The following CREBBP variants were observed in gnomAD, a reference collection of about 807,000 sequenced individuals.
The protein encoded by CREBBP is CREB binding lysine acetyltransferase.
In CREBBP, 19 loss-of-function variants were observed where a neutral mutation model predicts 265.0. The observed-to-expected ratio is 0.07, with a 90% CI of 0.05 to 0.11. The LOEUF is 0.11. CREBBP is among the 10% of genes least tolerant of loss of function. The pLI, the probability that CREBBP is intolerant of heterozygous loss-of-function variation, is 1.00. For missense variants in CREBBP, 2,525 were observed against 3,219.0 expected, an observed-to-expected ratio of 0.78 and a Z score of 5.22; for synonymous variants, 1,457 against 1,223.7, an observed-to-expected ratio of 1.19 and a Z score of -3.98.
intron 2 of CREBBP, among the ~76,000 whole-genome samples, chr16:3,844,646 C>A (rs1044849998): frequency 1.3e-5 from 2 of 151,986 alleles, no homozygotes; most frequent in Non-Finnish European, 2.9e-5. Flanking sequence ...AAAATATTGG[C>A]AAGGAGAAAA....
At chr16:3,847,839 C>G (rs1444670442) in intron 2 of CREBBP, among the ~76,000 whole-genome samples, 1 of 152,168 alleles carries the variant, frequency 6.6e-6, no homozygotes, top group Non-Finnish European at 1.5e-5. Context: ...GGCATATCAA[C>G]TAACTGAAAT....
intron 20 of CREBBP, among the ~76,000 whole-genome samples, chr16:3,749,960 G>T (rs1202081759): frequency 6.6e-6 from 1 of 152,126 alleles, no homozygotes; most frequent in Non-Finnish European, 1.5e-5. Flanking sequence ...GAGTGCAGTG[G>T]CGTGACCATG....
chr16:3,761,887 G>C (rs2052727987), intron 16 of CREBBP, among the ~76,000 whole-genome samples: 1 of 152,198 alleles, frequency 6.6e-6, no homozygotes, highest in African/African-American at 2.4e-5. Context: ...ATAGCCTTTT[G>C]ATTTCTCTGA....
In CREBBP at chr16:3,731,184, G is replaced by A. The variant is rs1057376935; in HGVS notation, c.5172+8C>T. On this transcript the variant is annotated splice_region_variant and intron_variant, in intron 30 of 30. Transcript: ENST00000262367. This position sits in a 1 kb window ranked among gnomAD's most constrained non-coding sequence, Gnocchi z 7.7. ...GGCTGTGGGGGTGGGGGTGGGGGCAGGGCCTACCTCGCACACAGTGCAGTG... is the reference window on the plus strand; with the variant it reads ...GGCTGTGGGGGTGGGGGTGGGGGCAAGGCCTACCTCGCACACAGTGCAGTG... The A allele has an allele frequency of 4.4e-6, 7 of 1,607,884 alleles. No individual in the cohort carries two copies. In the South Asian group the frequency reaches 7.7e-5, roughly 18 times the overall value.
chr16:3,745,817 C>A (rs1455790902), intron 21 of CREBBP, among the ~76,000 whole-genome samples: 1 of 152,210 alleles, frequency 6.6e-6, no homozygotes, highest in Non-Finnish European at 1.5e-5. Flanking sequence ...GGAAACACGG[C>A]CAGTTCAGAG....
Position 3,766,550 on chromosome 16 carries a change from A to C in CREBBP, c.3250+1170T>G, listed in dbSNP as rs961590344. On this transcript the variant is annotated intron_variant, in intron 16 of 30. Coordinates refer to ENST00000262367, the MANE Select transcript of CREBBP (RefSeq NM_004380.3). Reference sequence around the variant, plus strand: ...TTTCTCTTTTTTTTTTTCAGACAACAATCTCACTTTTGTCTCCCAGGCTAG... The same window carrying C: ...TTTCTCTTTTTTTTTTTCAGACAACCATCTCACTTTTGTCTCCCAGGCTAG... Among the ~76,000 whole-genome samples the C allele has an allele frequency of 5.9e-5, 9 of 151,668 alleles. No individual in the cohort carries two copies. The East Asian group carries it at 1.7e-3, about 29-fold the overall frequency.
intron 2 of CREBBP, 135 bp from the exon 3 acceptor site, chr16:3,810,914 T>C (rs991786991): frequency 2.4e-5 from 21 of 875,262 alleles, no homozygotes; most frequent in Non-Finnish European, 3.4e-5. Context: ...CAGGTTCACA[T>C]GCTCCAAGCA....
rs1198733770 is a variant in CREBBP, at chr16:3,850,670, C to G, written c.425G>C (p.Gly142Ala). Residue 142 changes from glycine to alanine, a missense_variant, in exon 2 of 31, where the codon GGG becomes GCG. Physicochemically the swap from Gly to Ala is moderately conservative, Grantham distance 60. Around this residue, in one of 19 missense-constraint regions of CREBBP, gnomAD observed 356 missense variants for 340.4 expected, o/e 1.05. Transcript: ENST00000262367. Reference sequence around the variant, plus strand: ...TGCTTGGGAGGCAGCGGGGGTGGGCCCAGAGGTGCTGGCTGCCTGTTTAGG... The same window carrying G: ...TGCTTGGGAGGCAGCGGGGGTGGGCGCAGAGGTGCTGGCTGCCTGTTTAGG... ...SLPKQAASTS[G>A]PTPAASQALN... 1 of 1,614,178 alleles carries G rather than the reference C, an allele frequency of 6.2e-7. No homozygotes were observed.
intron 2 of CREBBP, among the ~76,000 whole-genome samples, chr16:3,849,437 GTGTGTGTGT>G (rs1567360384): frequency 0.038 from 624 of 16,434 alleles, 74 homozygotes; most frequent in Non-Finnish European, 0.087. Flanking sequence ...GTGTGTGTGT[GTGTGTGTGT>G]GTGTGTGTGT....
intron 20 of CREBBP, among the ~76,000 whole-genome samples, chr16:3,751,506 C>T (rs1221313646): frequency 2.0e-5 from 3 of 152,132 alleles, no homozygotes; most frequent in South Asian, 4.1e-4. Context: ...AAAGGAGGAT[C>T]GCTTGAACCC....
At chr16:3,815,203 T>C (rs943583815) in intron 2 of CREBBP, among the ~76,000 whole-genome samples, 1 of 152,188 alleles carries the variant, frequency 6.6e-6, no homozygotes, top group Non-Finnish European at 1.5e-5. Context: ...TGTCTAACGC[T>C]AATTAATGAA....
Position 3,845,651 on chromosome 16 carries a change from T to C in CREBBP, c.798+4646A>G, listed in dbSNP as rs571993289. 1.3e-3 allele frequency among the ~76,000 whole-genome samples: 192 copies of C among 152,122 alleles called. 2 individuals carry two copies. Among genetic ancestry groups the C allele is most frequent in the African/African-American group, 4.3e-3 (180 of 41,492 alleles). On this transcript the variant is annotated intron_variant, in intron 2 of 30. Coordinates refer to ENST00000262367, the MANE Select transcript of CREBBP (RefSeq NM_004380.3). ...CTGCAATCCCAGCAGTTTGGGAGGCTGAGGTGGGTGGATCGCTTGAGCTCA... is the reference window on the plus strand; with the variant it reads ...CTGCAATCCCAGCAGTTTGGGAGGCCGAGGTGGGTGGATCGCTTGAGCTCA...
intron 28 of CREBBP, among the ~76,000 whole-genome samples, chr16:3,734,110 C>G (rs536809983): frequency 9.2e-5 from 14 of 152,198 alleles, no homozygotes; most frequent in Non-Finnish European, 1.8e-4. Flanking sequence ...ACATTCCTCA[C>G]GAAGCTGGGA....
intron 20 of CREBBP, among the ~76,000 whole-genome samples, chr16:3,751,176 T>A (rs2052463791): frequency 6.6e-6 from 1 of 152,186 alleles, no homozygotes; most frequent in African/African-American, 2.4e-5. Flanking sequence ...TCTCCAGTGG[T>A]AGGCCACAGT....
chr16:3,819,985 T>C (rs2054110857), intron 2 of CREBBP, among the ~76,000 whole-genome samples: 1 of 152,202 alleles, frequency 6.6e-6, no homozygotes, highest in African/African-American at 2.4e-5. Flanking sequence ...TTTTTTAGCA[T>C]CTTTCTCCAC....
rs895608889 is a variant in CREBBP at position 3,727,736 on chromosome 16, C to T, written c.7311G>A (p.Lys2437=). The change falls in exon 31 of 31, where the codon AAG becomes AAA. Residue 2437 remains lysine (K), a synonymous_variant. Coordinates refer to ENST00000262367, the MANE Select transcript of CREBBP (RefSeq NM_004380.3). ...CACAATGCTACAAGCCCTCCACAAA[C>T]TTCTCTAGCGTGTCCCCCGTGGTGT... ...VGDTTGDTLE[K]FVEGL 6.2e-7 allele frequency: 1 copy of T among 1,614,130 alleles called. No individual in the cohort carries two copies. The highest frequency in any genetic ancestry group is 1.1e-5 in the South Asian group (1 of 91,082).
At chr16:3,798,907 T>C (rs564326974) in intron 3 of CREBBP, among the ~76,000 whole-genome samples, 1 of 152,128 alleles carries the variant, frequency 6.6e-6, no homozygotes, top group Non-Finnish European at 1.5e-5. Flanking sequence ...CTTTTACAAA[T>C]AGCCAAAAAG....
intron 5 of CREBBP, among the ~76,000 whole-genome samples, chr16:3,789,025 A>G (rs1462194239): frequency 6.6e-6 from 1 of 152,260 alleles, no homozygotes; most frequent in Non-Finnish European, 1.5e-5. Context: ...TTCATTTCAA[A>G]GAACCTCAGA....
At chr16:3,849,962 C>T (rs1019168921) in intron 2 of CREBBP, among the ~76,000 whole-genome samples, 1 of 152,104 alleles carries the variant, frequency 6.6e-6, no homozygotes, top group Non-Finnish European at 1.5e-5. Context: ...CACTGGATGG[C>T]CACAGAGGAG....
Sources: allele counts gnomAD v4.1 joint callset (sites outside exome capture counted in the v4.1 genomes callset), GRCh38; gene constraint gnomAD v4.1.1; regional missense constraint gnomAD v4.1.1; non-coding constraint Gnocchi (gnomAD v3.1); transcripts MANE v1.5; gene names NCBI Gene and HGNC (gene_info 2026-07-23, HGNC 2026-07-21).